Variants in HDAC9 observed in about 807,000 individuals in gnomAD.
HDAC9 encodes MEF-2 interacting transcription repressor (MITR) protein.
A neutral mutation model predicts 139.4 loss-of-function variants in HDAC9; 41 were observed. That is an observed-to-expected ratio of 0.29 (90% confidence interval 0.23 to 0.38). HDAC9 has a LOEUF of 0.38. Among genes scored for constraint, HDAC9 ranks in the 10% least tolerant of loss-of-function variants. The probability of loss-of-function intolerance (pLI) is 1.00; values close to 1 mark genes in which losing one functional copy is unlikely to be tolerated. For missense variants in HDAC9, 1,147 were observed against 1,297.0 expected (o/e 0.88, Z 1.78); for synonymous variants, 517 against 476.2 (o/e 1.09, Z -1.12).
intron 2 of HDAC9, among the ~76,000 whole-genome samples, chr7:18,558,539 G>A (rs553126946): frequency 2.3e-3 from 347 of 152,146 alleles, no homozygotes; most frequent in Non-Finnish European, 3.1e-3. Context: ...ATAATGCTTG[G>A]TTCTGATAAT....
intron 12 of HDAC9, among the ~76,000 whole-genome samples, chr7:18,707,895 G>A (rs777285494): frequency 4.0e-5 from 6 of 151,474 alleles, no homozygotes; most frequent in Non-Finnish European, 8.8e-5. Flanking sequence ...GCATACATGT[G>A]TGTGTCTGTA....
At chr7:18,638,435 T>C (rs1005124278) in intron 8 of HDAC9, among the ~76,000 whole-genome samples, 4 of 152,056 alleles carry the variant, frequency 2.6e-5, no homozygotes, top group African/African-American at 9.7e-5. Flanking sequence ...CACATTGTAG[T>C]AGAATGTATG....
intron 2 of HDAC9, among the ~76,000 whole-genome samples, chr7:18,502,063 C>T (rs1157398506): frequency 6.6e-6 from 1 of 152,124 alleles, no homozygotes; most frequent in Non-Finnish European, 1.5e-5. Flanking sequence ...AGATTGGATC[C>T]TCCAATGGTC....
At chr7:18,411,717 A>G (rs1403642738) in intron 1 of HDAC9, among the ~76,000 whole-genome samples, 1 of 151,914 alleles carries the variant, frequency 6.6e-6, no homozygotes, top group Non-Finnish European at 1.5e-5. Context: ...ATTTTGCCCA[A>G]ATGTAGGCTA....
At chr7:18,495,377 G>A (rs1393068713), upstream of HDAC9, among the ~76,000 whole-genome samples, 5 of 152,054 alleles carry the variant, frequency 3.3e-5, no homozygotes, top group African/African-American at 4.8e-5. Context: ...GAAATGAAAT[G>A]TATGTGCATT....
chr7:18,512,024 A>G (rs867674653), intron 2 of HDAC9, among the ~76,000 whole-genome samples: 10 of 152,090 alleles, frequency 6.6e-5, no homozygotes, highest in Non-Finnish European at 1.2e-4. Context: ...AAGCAAAAAA[A>G]AAAAAAAAAA....
intron 6 of HDAC9, among the ~76,000 whole-genome samples, chr7:18,619,168 A>G (rs1417810663): frequency 6.6e-6 from 1 of 152,170 alleles, no homozygotes; most frequent in African/African-American, 2.4e-5. Flanking sequence ...TCCAAAATGT[A>G]GTATTTGTGA....
At chr7:18,899,228 A>G (rs932826458) in intron 22 of HDAC9, 1 of 152,060 alleles carries the variant, frequency 6.6e-6, no homozygotes, top group Non-Finnish European at 1.5e-5. Context: ...TTGTCAATAG[A>G]GGACACTTTT....
chr7:18,201,989 T>C (rs1269774179), intron 2 of HDAC9, among the ~76,000 whole-genome samples: 1 of 152,238 alleles, frequency 6.6e-6, no homozygotes, highest in Non-Finnish European at 1.5e-5. Flanking sequence ...TCCTGTTCTC[T>C]CCTGACCAGG....
chr7:18,614,579 C>T (rs538637911), intron 6 of HDAC9, among the ~76,000 whole-genome samples: 1 of 152,114 alleles, frequency 6.6e-6, no homozygotes, highest in South Asian at 2.1e-4. Context: ...AATGGAGTCT[C>T]TCTTCTTCTC....
chr7:18,154,691 G>A lies in HDAC9; in HGVS notation c.-96-7538G>A, dbSNP rs186786179. Among the ~76,000 whole-genome samples the A allele has an allele frequency of 9.7e-3, 1,471 of 152,330 alleles. 11 individuals carry two copies. Among genetic ancestry groups the A allele is most frequent in the Non-Finnish European group, 0.016 (1,098 of 68,038 alleles). On this transcript the variant is annotated intron_variant, in intron 1 of 12. Coordinates refer to the HDAC9 transcript ENST00000417496. ...AACGTGGGGATTATCAGATCTTCAA[G>A]AGTTGAGTTGCAGCATTAAAGAAAT...
chr7:18,217,838 A>G (rs1792423566), intron 2 of HDAC9, among the ~76,000 whole-genome samples: 2 of 152,210 alleles, frequency 1.3e-5, no homozygotes, highest in Admixed American at 6.5e-5. Flanking sequence ...ACAAACATTA[A>G]TTTTCTCACA....
In HDAC9 at chr7:18,233,141, C is replaced by T. The variant is rs141567778; in HGVS notation, c.25+70792C>T. Reference sequence around the variant, plus strand: ...ACATCCTTCTGAACATTTTTAATGGCAGCTCATAATTGCTGCCCATATACA... The same window carrying T: ...ACATCCTTCTGAACATTTTTAATGGTAGCTCATAATTGCTGCCCATATACA... On this transcript the variant is annotated intron_variant, in intron 2 of 12. Transcript: ENST00000417496. 2.6e-5 allele frequency among the ~76,000 whole-genome samples: 4 copies of T among 152,228 alleles called. No individual in the cohort carries two copies. The East Asian group carries it at 7.8e-4, about 30-fold the overall frequency.
At chr7:18,429,028 G>A (rs929312013) in intron 1 of HDAC9, 5 of 152,180 alleles carry the variant, frequency 3.3e-5, no homozygotes, top group African/African-American at 9.7e-5. Context: ...GTAGAAAATA[G>A]CAATCCTACC....
At chr7:18,170,849 G>T (rs992911394) in intron 2 of HDAC9, among the ~76,000 whole-genome samples, 3 of 151,986 alleles carry the variant, frequency 2.0e-5, no homozygotes, top group African/African-American at 7.2e-5. Context: ...GTTACTGTTG[G>T]CTTGTAGTAT....
At chr7:18,837,391 T>A (rs978740171) in intron 21 of HDAC9, among the ~76,000 whole-genome samples, 9 of 152,008 alleles carry the variant, frequency 5.9e-5, no homozygotes, top group Non-Finnish European at 8.8e-5. Flanking sequence ...ACAAATACCA[T>A]TACATTTGCA....
chr7:18,966,022 G>C (rs1246957945), intron 24 of HDAC9, among the ~76,000 whole-genome samples: 1 of 152,154 alleles, frequency 6.6e-6, no homozygotes, highest in East Asian at 1.9e-4. Context: ...TTTTCATTCT[G>C]AATGAAGTAT....
Position 18,137,025 on chromosome 7 carries a change from T to G in HDAC9, c.-96-25204T>G, listed in dbSNP as rs1465704276. Among the ~76,000 whole-genome samples the G allele has an allele frequency of 1.0e-3, 142 of 142,424 alleles. 1 individual carries two copies. Among genetic ancestry groups the G allele is most frequent in the African/African-American group, 3.4e-3 (130 of 37,828 alleles). 93.4% of individuals were successfully genotyped at this position (142,424 alleles called of 152,430 possible). Reference sequence around the variant, plus strand: ...TCCTTGAAGAGGTCCTTCACATCCCTTGTAAGTTGGATTCCTAGGTATTTT... The same window carrying G: ...TCCTTGAAGAGGTCCTTCACATCCCGTGTAAGTTGGATTCCTAGGTATTTT... On this transcript the variant is annotated intron_variant, in intron 1 of 12. Coordinates refer to the HDAC9 transcript ENST00000417496.
At chr7:18,991,035 G>A (rs372115171) in intron 25 of HDAC9, among the ~76,000 whole-genome samples, 37 of 152,350 alleles carry the variant, frequency 2.4e-4, no homozygotes, top group East Asian at 1.7e-3. Flanking sequence ...GCTGTAGACC[G>A]GAGCTGTTCC....
Sources: gnomAD v4.1 joint callset for allele counts (sites outside exome capture counted in the v4.1 genomes callset) on GRCh38, gnomAD v4.1.1 for gene constraint, MANE v1.5 for transcripts, NCBI Gene and HGNC (gene_info 2026-07-23, HGNC 2026-07-21) for gene names.